Variants in STMP1 observed in about 807,000 individuals in gnomAD.
STMP1 encodes the protein mitolamban.
Under a neutral mutation model 7.0 loss-of-function variants are expected in STMP1, and 7 were observed. The ratio of observed to expected loss-of-function variants is 1.01; its 90% CI spans 0.57 to 1.89. The LOEUF is 1.89. Among genes scored for constraint, STMP1 ranks in the 40% most tolerant of loss-of-function variants. STMP1 has a pLI of 0.00. For synonymous variants in STMP1, 19 were observed against 18.4 expected (o/e 1.03, Z -0.08); for missense variants, 45 against 53.0 (o/e 0.85, Z 0.47).
chr7:135,667,510 C>A (rs1403593825), intron 1 of STMP1, among the ~76,000 whole-genome samples: 1 of 152,168 alleles, frequency 6.6e-6, no homozygotes, highest in African/African-American at 2.4e-5. Flanking sequence ...CTGTGCCTGG[C>A]CAATTTGCCC....
At position 135,674,154 on chromosome 7, in the gene STMP1, C is replaced by G; in HGVS notation, c.133C>G (p.Pro45Ala). ...KKDLDAKKKP[P>A]SA The stretch of plus-strand genomic sequence containing the variant: ...GGACTTGGATGCCAAGAAGAAACCC[C>G]CTAGTGCATGAGACTGCCTCCAGCA... The change falls in exon 3 of 3, where the codon CCT becomes GCT. Residue 45 changes from proline (P) to alanine (A), a missense_variant. By Grantham distance (27) the Pro-to-Ala change is conservative (BLOSUM62 -1). Coordinates refer to ENST00000507606, the MANE Select transcript of STMP1 (RefSeq NM_001130929.2). 1 of 1,550,274 alleles carries G rather than the reference C, an allele frequency of 6.5e-7. No individual in the cohort carries two copies. The highest frequency in any genetic ancestry group is 8.7e-7 in the Non-Finnish European group (1 of 1,146,650).
At chr7:135,669,414 A>G (rs1795335264) in intron 1 of STMP1, among the ~76,000 whole-genome samples, 1 of 152,230 alleles carries the variant, frequency 6.6e-6, no homozygotes, top group South Asian at 2.1e-4. Flanking sequence ...AATCCTGTGC[A>G]GGGTCCTGCC....
intron 1 of STMP1, chr7:135,665,677 A>C (rs542815187): frequency 1.3e-5 from 2 of 148,598 alleles, no homozygotes; most frequent in Non-Finnish European, 3.0e-5. Flanking sequence ...TTCCAGTTTT[A>C]GTGTATGTGC....
chr7:135,672,625 G>C, intron 1 of STMP1, 128 bp from the exon 2 acceptor site: 1 of 691,936 alleles, frequency 1.4e-6, no homozygotes, highest in Non-Finnish European at 2.6e-6. Context: ...CACAGCCCTA[G>C]ACTGGACATC....
At chr7:135,672,881 G>A (rs1423005705) in intron 2 of STMP1, 75 bp downstream of exon 2, 3 of 1,223,686 alleles carry the variant, frequency 2.5e-6, no homozygotes, top group African/African-American at 1.5e-5. Context: ...TTGAGGTAAG[G>A]TGTGACTTCC....
intron 1 of STMP1, among the ~76,000 whole-genome samples, chr7:135,664,674 A>G (rs1795274452): frequency 6.6e-6 from 1 of 152,072 alleles, no homozygotes; most frequent in Non-Finnish European, 1.5e-5. Context: ...TGTCAATTAT[A>G]TTCCTAGCTC....
At chr7:135,670,381 T>C (rs555429229) in intron 1 of STMP1, among the ~76,000 whole-genome samples, 43 of 152,296 alleles carry the variant, frequency 2.8e-4, no homozygotes, top group African/African-American at 1.0e-3. Context: ...TGGAAGAAGT[T>C]AGGCATTCTT....
At chr7:135,671,073 A>G (rs1439326443) in intron 1 of STMP1, among the ~76,000 whole-genome samples, 1 of 152,086 alleles carries the variant, frequency 6.6e-6, no homozygotes, top group African/African-American at 2.4e-5. Context: ...GATTTGGAAA[A>G]CCATTTCCTA....
chr7:135,671,245 C>G (rs932704397), intron 1 of STMP1, among the ~76,000 whole-genome samples: 1 of 152,076 alleles, frequency 6.6e-6, no homozygotes, highest in Non-Finnish European at 1.5e-5. Flanking sequence ...AACAACAAAC[C>G]AATTTAAATT....
rs59400686 is a variant in STMP1, at chr7:135,675,281, A to G, written c.*1116A>G. On this transcript the variant is annotated 3_prime_UTR_variant, in exon 3 of 3. Transcript: ENST00000507606. Reference sequence around the variant, plus strand: ...CAAGTTACTGTTACCACTTCGCCTTATACTTTTGAGAAAGAGTCTGTGCCT... The same window carrying G: ...CAAGTTACTGTTACCACTTCGCCTTGTACTTTTGAGAAAGAGTCTGTGCCT... The G allele has an allele frequency of 0.15, 23,068 of 152,144 alleles. 1,956 individuals carry two copies. The highest frequency in any genetic ancestry group is 0.19 in the East Asian group (994 of 5,168). The allele number at this position is 152,144 out of a possible 1,614,324, so 9.4% of individuals were successfully genotyped here.
chr7:135,674,154 C>T lies in STMP1; in HGVS notation c.133C>T (p.Pro45Ser), dbSNP rs967498288. The change falls in exon 3 of 3, where the codon CCT (proline) becomes TCT (serine). Residue 45 changes from proline (P) to serine (S), a missense_variant. Coordinates refer to ENST00000507606, the MANE Select transcript of STMP1 (RefSeq NM_001130929.2). The stretch of plus-strand genomic sequence containing the variant: ...GGACTTGGATGCCAAGAAGAAACCC[C>T]CTAGTGCATGAGACTGCCTCCAGCA... ...KKDLDAKKKPPSA is the reference protein window; with the variant it reads ...KKDLDAKKKPSSA 3.9e-6 allele frequency: 6 copies of T among 1,550,158 alleles called. No individual in the cohort carries two copies. The highest frequency in any genetic ancestry group is 5.2e-6 in the Non-Finnish European group (6 of 1,146,658).
chr7:135,669,295 G>A (rs1795334193), intron 1 of STMP1, among the ~76,000 whole-genome samples: 1 of 152,156 alleles, frequency 6.6e-6, no homozygotes, highest in East Asian at 1.9e-4. Context: ...TCAACCTGAG[G>A]TATATATTTT....
At chr7:135,669,552 G>A (rs184298156) in intron 1 of STMP1, among the ~76,000 whole-genome samples, 13 of 152,286 alleles carry the variant, frequency 8.5e-5, no homozygotes, top group African/African-American at 2.9e-4. Flanking sequence ...TATAAGGTCT[G>A]CAGTCCCTTA....
chr7:135,668,337 C>T (rs543862870), intron 1 of STMP1, among the ~76,000 whole-genome samples: 92 of 152,162 alleles, frequency 6.0e-4, no homozygotes, highest in African/African-American at 1.7e-3. Flanking sequence ...GTATAGGTAC[C>T]GGGAGAGTGC....
At chr7:135,663,972 T>G (rs1447469593) in intron 1 of STMP1, among the ~76,000 whole-genome samples, 2 of 152,242 alleles carry the variant, frequency 1.3e-5, no homozygotes, top group East Asian at 3.8e-4. Context: ...TCAAAGAGAT[T>G]AAAACACAAA....
chr7:135,667,338 A>G (rs187671509), intron 1 of STMP1, among the ~76,000 whole-genome samples: 12 of 152,268 alleles, frequency 7.9e-5, no homozygotes, highest in African/African-American at 2.6e-4. Context: ...CAGCCTCCCG[A>G]GTAGCTGGGA....
intron 1 of STMP1, among the ~76,000 whole-genome samples, chr7:135,666,429 A>G (rs1194028079): frequency 6.6e-6 from 1 of 151,662 alleles, no homozygotes; most frequent in Non-Finnish European, 1.5e-5. Context: ...GCTCACTGCA[A>G]CCTCTGCCTC....
intron 1 of STMP1, chr7:135,665,472 G>A (rs1795282207): frequency 6.6e-6 from 1 of 151,808 alleles, no homozygotes; most frequent in South Asian, 2.1e-4. Context: ...TTTAATAGTG[G>A]AGATAGGGTC....
Position 135,674,273 on chromosome 7 carries a change from C to A in STMP1, c.*108C>A. 1.2e-6 allele frequency: 1 copy of A among 862,566 alleles called. No homozygotes were observed. The highest frequency in any genetic ancestry group is 1.8e-6 in the Non-Finnish European group (1 of 564,538). The allele number at this position is 862,566 out of a possible 1,614,324, so 53.4% of individuals were successfully genotyped here. ...GTTTTCGTCTCCAGCCTCAGCACTT[C>A]TCTTCTTTGCTAGACCCTGTGTTTT... On this transcript the variant is annotated 3_prime_UTR_variant, in exon 3 of 3. Coordinates refer to ENST00000507606, the MANE Select transcript of STMP1 (RefSeq NM_001130929.2).
Sources: gnomAD v4.1 joint callset for allele counts (sites outside exome capture counted in the v4.1 genomes callset) on GRCh38, gnomAD v4.1.1 for gene constraint, MANE v1.5 for transcripts, NCBI Gene and HGNC (gene_info 2026-07-23, HGNC 2026-07-21) for gene names.